The following NUP107 variants were observed in gnomAD, a reference collection of about 807,000 sequenced individuals.
NUP107 encodes nucleoporin 107.
NUP107 carries 101 observed loss-of-function variants against 141.0 expected under a neutral mutation model. The observed-to-expected ratio is 0.72, with a 90% confidence interval of 0.61 to 0.84. The LOEUF (loss-of-function observed/expected upper bound fraction) is 0.84. NUP107 is among the 40% of genes least tolerant of loss of function. The pLI, the probability that NUP107 is intolerant of heterozygous loss-of-function variation, is 0.00. For synonymous variants in NUP107, 319 were observed against 363.9 expected, an observed-to-expected ratio of 0.88 and a Z score of 1.41; for missense variants, 941 against 1,102.7, an observed-to-expected ratio of 0.85 and a Z score of 2.08.
chr12:68,706,203 A>G (rs1876572968), intron 8 of NUP107: 1 of 766,928 alleles, frequency 1.3e-6, no homozygotes, highest in Non-Finnish European at 2.4e-6. Context: ...ACAGAGATGG[A>G]GAATGAATTT....
chr12:68,719,228 T>A, intron 12 of NUP107, 113 bp from the exon 13 acceptor site: 37 of 722,942 alleles, frequency 5.1e-5, no homozygotes, highest in Non-Finnish European at 7.8e-5. Context: ...TCCCTTGTAA[T>A]GGGATGGATG....
chr12:68,702,560 C>T (rs576400193), intron 7 of NUP107, among the ~76,000 whole-genome samples, 176 bp from the exon 8 acceptor site: 129 of 152,142 alleles, frequency 8.5e-4, no homozygotes, highest in Middle Eastern at 3.4e-3. Context: ...CCAGTGTGCC[C>T]GGCCTGTTGT....
chr12:68,732,179 C>T (rs1192798136), intron 22 of NUP107, among the ~76,000 whole-genome samples: 1 of 151,798 alleles, frequency 6.6e-6, no homozygotes, highest in African/African-American at 2.4e-5. Flanking sequence ...GCTCTGTTAC[C>T]AAGGCTGGAG....
intron 9 of NUP107, 116 bp from the exon 10 acceptor site, chr12:68,709,888 CA>C (rs61024131): frequency 0.012 from 5,788 of 473,314 alleles, no homozygotes; most frequent in East Asian, 0.018. Flanking sequence ...GACTCTTTCT[CA>C]AAAAAAAAAA....
chr12:68,716,746 T>C (rs117660123), intron 12 of NUP107, among the ~76,000 whole-genome samples: 10 of 152,172 alleles, frequency 6.6e-5, no homozygotes, highest in Non-Finnish European at 1.2e-4. Flanking sequence ...TTAGGTGAGA[T>C]AGTGTGATGT....
Position 68,731,592 on chromosome 12 carries a change from C to T in NUP107, c.1886-15C>T, listed in dbSNP as rs1213777876. Reference sequence around the variant, plus strand: ...GATTAATCTTTGTTTTTTGTCGCTTCAAAAAATTATTTAGATTTGGATGTT... The same window carrying T: ...GATTAATCTTTGTTTTTTGTCGCTTTAAAAAATTATTTAGATTTGGATGTT... On this transcript the variant is annotated splice_polypyrimidine_tract_variant and intron_variant, in intron 21 of 27. Transcript: ENST00000229179. The T allele has an allele frequency of 6.8e-7, 1 of 1,480,910 alleles. No homozygotes were observed. The highest frequency in any genetic ancestry group is 9.1e-7 in the Non-Finnish European group (1 of 1,102,214). 91.7% of individuals were successfully genotyped at this position (1,480,910 alleles called of 1,614,324 possible).
intron 3 of NUP107, among the ~76,000 whole-genome samples, chr12:68,690,166 C>CAA (rs113877879): frequency 1.7e-5 from 2 of 119,478 alleles, no homozygotes; most frequent in African/African-American, 3.4e-5. Flanking sequence ...GGCGACAGAG[C>CAA]AAAAAAAAAA....
chr12:68,697,088 C>G (rs374712861), intron 6 of NUP107, among the ~76,000 whole-genome samples, 166 bp downstream of exon 6: 10 of 151,592 alleles, frequency 6.6e-5, no homozygotes, highest in African/African-American at 2.4e-4. Flanking sequence ...TATTGAGGGC[C>G]CATACAAGAT....
chr12:68,697,213 A>T (rs1298154311), intron 6 of NUP107, among the ~76,000 whole-genome samples: 1 of 152,138 alleles, frequency 6.6e-6, no homozygotes, highest in South Asian at 2.1e-4. Context: ...GGATCACTTA[A>T]ACCCAGCAGT....
chr12:68,693,226 C>T (rs530255169), intron 5 of NUP107, among the ~76,000 whole-genome samples: 88 of 151,970 alleles, frequency 5.8e-4, no homozygotes, highest in African/African-American at 1.8e-3. Flanking sequence ...TACAGGTGCC[C>T]ACCACCACGC....
At chr12:68,701,767 ATGAAAAC>A (rs1876341903) in intron 7 of NUP107, among the ~76,000 whole-genome samples, 1 of 152,198 alleles carries the variant, frequency 6.6e-6, no homozygotes, top group South Asian at 2.1e-4. Flanking sequence ...ATATTGTTAT[ATGAAAAC>A]TGGATTTCAT....
intron 14 of NUP107, among the ~76,000 whole-genome samples, chr12:68,720,275 A>T (rs1877299295): frequency 6.6e-6 from 1 of 152,198 alleles, no homozygotes. Flanking sequence ...CAAAAAATAC[A>T]TAAATACTAC....
chr12:68,697,508 G>A (rs751258797), intron 6 of NUP107, among the ~76,000 whole-genome samples: 1 of 151,868 alleles, frequency 6.6e-6, no homozygotes, highest in Non-Finnish European at 1.5e-5. Flanking sequence ...AGGAAGAATG[G>A]CTAATGTATG....
chr12:68,693,025 C>A (rs1489325092), intron 5 of NUP107, among the ~76,000 whole-genome samples: 1 of 151,436 alleles, frequency 6.6e-6, no homozygotes, highest in Non-Finnish European at 1.5e-5. Flanking sequence ...GCTGGGATTA[C>A]AGGTGTGAGC....
At chr12:68,693,296 C>T (rs923379563) in intron 5 of NUP107, among the ~76,000 whole-genome samples, 2 of 152,010 alleles carry the variant, frequency 1.3e-5, no homozygotes, top group Non-Finnish European at 2.9e-5. Context: ...AGGCTGATCT[C>T]GAACTCCTGA....
chr12:68,737,101 A>G (rs1232311764), intron 26 of NUP107, among the ~76,000 whole-genome samples: 3 of 152,212 alleles, frequency 2.0e-5, no homozygotes, highest in African/African-American at 7.2e-5. Flanking sequence ...CATCTGATTC[A>G]TGCTGATTCT....
At chr12:68,738,261 C>T (rs757686388) in intron 26 of NUP107, among the ~76,000 whole-genome samples, 3 of 148,688 alleles carry the variant, frequency 2.0e-5, no homozygotes, top group Admixed American at 6.7e-5. Flanking sequence ...GGCAACAGAG[C>T]GAGACTCTGT....
At chr12:68,699,750 A>G (rs1565688285) in intron 6 of NUP107, among the ~76,000 whole-genome samples, 1 of 152,188 alleles carries the variant, frequency 6.6e-6, no homozygotes, top group Admixed American at 6.5e-5. Context: ...TGACAAGATA[A>G]TGAGGTACTG....
chr12:68,702,707 CT>C, intron 7 of NUP107, 28 bp from the exon 8 acceptor site: 1 of 1,485,264 alleles, frequency 6.7e-7, no homozygotes, highest in Non-Finnish European at 9.1e-7. Flanking sequence ...TGAAATAAGG[CT>C]TTTTTATTTT....
Sources: gnomAD v4.1 joint callset for allele counts (sites outside exome capture counted in the v4.1 genomes callset) on GRCh38, gnomAD v4.1.1 for gene constraint, MANE v1.5 for transcripts, NCBI Gene and HGNC (gene_info 2026-07-23, HGNC 2026-07-21) for gene names.